The following CAB39 variants were observed in gnomAD, a reference collection of about 807,000 sequenced individuals.
The protein encoded by CAB39 is calcium-binding protein 39.
In CAB39, 8 loss-of-function variants were observed where a neutral mutation model predicts 40.0. That is an observed-to-expected ratio of 0.20 (90% CI 0.12 to 0.36). The LOEUF (loss-of-function observed/expected upper bound fraction) is 0.36, where lower values mean the gene tolerates loss of function less well. Ranked by LOEUF, CAB39 falls within the 10% of genes least tolerant of loss-of-function variation. The probability of loss-of-function intolerance (pLI) is 1.00; values close to 1 mark genes in which losing one functional copy is unlikely to be tolerated. For synonymous variants in CAB39, 156 were observed against 141.6 expected (o/e 1.10, Z -0.72); for missense variants, 270 against 401.1 (o/e 0.67, Z 2.79).
chr2:230,718,050 TTATG>T (rs1694382479), intron 1 of CAB39, among the ~76,000 whole-genome samples: 1 of 152,218 alleles, frequency 6.6e-6, no homozygotes, highest in South Asian at 2.1e-4. Flanking sequence ...GTTTGCTTGT[TTATG>T]TGTGTATTCA....
intron 2 of CAB39, 144 bp from the exon 3 acceptor site, chr2:230,790,728 G>GAT: frequency 1.5e-6 from 1 of 676,110 alleles, no homozygotes; most frequent in East Asian, 2.6e-5. Context: ...TGAGGGCAAG[G>GAT]ATGGAGCTTG....
chr2:230,787,716 T>C (rs1695817385), intron 2 of CAB39, among the ~76,000 whole-genome samples: 1 of 152,210 alleles, frequency 6.6e-6, no homozygotes, highest in Non-Finnish European at 1.5e-5. Flanking sequence ...CATTGTACCA[T>C]TCTGGATAGG....
At chr2:230,785,102 G>C (rs1161719204) in intron 2 of CAB39, among the ~76,000 whole-genome samples, 1 of 152,222 alleles carries the variant, frequency 6.6e-6, no homozygotes, top group Non-Finnish European at 1.5e-5. Context: ...CAAGCTAGGA[G>C]AGCTGATTTG....
chr2:230,820,128 G>C lies in CAB39; in HGVS notation c.*1424G>C, dbSNP rs953865970. 1.3e-5 allele frequency: 2 copies of C among 152,572 alleles called. No homozygotes were observed. Among genetic ancestry groups the C allele is most frequent in the African/African-American group, 4.8e-5 (2 of 41,432 alleles). The allele number at this position is 152,572 out of a possible 1,614,324, so 9.5% of individuals were successfully genotyped here. On this transcript the variant is annotated 3_prime_UTR_variant, in exon 9 of 9. Coordinates refer to ENST00000258418, the MANE Select transcript of CAB39 (RefSeq NM_016289.4). ...GTCTTCTAGACTATATCTATGTAAAGTTATTAGAATGGTATCTGTTCATTT... is the reference window on the plus strand; with the variant it reads ...GTCTTCTAGACTATATCTATGTAAACTTATTAGAATGGTATCTGTTCATTT...
At chr2:230,806,612 G>C (rs1378179745) in intron 5 of CAB39, among the ~76,000 whole-genome samples, 1 of 152,154 alleles carries the variant, frequency 6.6e-6, no homozygotes, top group Non-Finnish European at 1.5e-5. Context: ...CCTCGGTAGG[G>C]ACCTGCCATG....
At chr2:230,756,430 C>T (rs1277252514) in intron 1 of CAB39, among the ~76,000 whole-genome samples, 1 of 152,190 alleles carries the variant, frequency 6.6e-6, no homozygotes, top group African/African-American at 2.4e-5. Flanking sequence ...ACTGAAACCT[C>T]ATCAGGCAGC....
intron 2 of CAB39, among the ~76,000 whole-genome samples, chr2:230,782,371 G>A (rs1439767480): frequency 6.6e-6 from 1 of 151,996 alleles, no homozygotes; most frequent in Non-Finnish European, 1.5e-5. Flanking sequence ...GTGGGAGGGG[G>A]GATGTCTCGT....
chr2:230,736,809 C>T (rs924845808), intron 1 of CAB39, among the ~76,000 whole-genome samples: 4 of 152,134 alleles, frequency 2.6e-5, no homozygotes, highest in Admixed American at 6.5e-5. Flanking sequence ...TAGTACAAGA[C>T]GTAAAAGACA....
rs568709099 is a variant in CAB39, at chr2:230,712,883, C to A, written c.-391C>A. 1.2e-3 allele frequency: 190 copies of A among 152,006 alleles called. No individual in the cohort carries two copies. The highest frequency in any genetic ancestry group is 2.3e-3 in the South Asian group (11 of 4,828). 9.4% of individuals were successfully genotyped at this position (152,006 alleles called of 1,614,324 possible). On this transcript the variant is annotated 5_prime_UTR_variant, in exon 1 of 9. Transcript: ENST00000258418. ...AGCCGGGCTCGGGCCGCAAGCGGGGCGAGGGGTTCGGGGAGCGGCGCGGCC... is the reference window on the plus strand; with the variant it reads ...AGCCGGGCTCGGGCCGCAAGCGGGGAGAGGGGTTCGGGGAGCGGCGCGGCC...
chr2:230,813,871 T>A (rs1305460829), intron 6 of CAB39, 178 bp from the exon 7 acceptor site: 2 of 513,476 alleles, frequency 3.9e-6, no homozygotes, highest in Non-Finnish European at 6.7e-6. Flanking sequence ...AGAGCAAACA[T>A]GTCAGAGGAA....
intron 2 of CAB39, among the ~76,000 whole-genome samples, chr2:230,771,791 T>TAC (rs1695487295): frequency 1.3e-5 from 2 of 152,342 alleles, no homozygotes; most frequent in South Asian, 4.1e-4. Flanking sequence ...GAAATAGACC[T>TAC]ACACATGTAT....
chr2:230,778,928 T>G (rs1053194098), intron 2 of CAB39: 5 of 152,246 alleles, frequency 3.3e-5, no homozygotes, highest in African/African-American at 1.2e-4. Context: ...CAGTTGTCTC[T>G]GTGGTCTGCT....
chr2:230,772,577 C>T (rs1022047526), intron 2 of CAB39, among the ~76,000 whole-genome samples: 3 of 152,104 alleles, frequency 2.0e-5, no homozygotes, highest in African/African-American at 7.2e-5. Flanking sequence ...CTCCACCTCC[C>T]TGGTTCACAC....
chr2:230,749,151 C>T (rs1695041623), intron 1 of CAB39, among the ~76,000 whole-genome samples: 2 of 151,510 alleles, frequency 1.3e-5, no homozygotes, highest in Non-Finnish European at 1.5e-5. Context: ...ACATATGTTA[C>T]TATTAAATAT....
At chr2:230,728,243 T>TAAAG (rs766265851) in intron 1 of CAB39, among the ~76,000 whole-genome samples, 4 of 150,440 alleles carry the variant, frequency 2.7e-5, no homozygotes, top group African/African-American at 9.8e-5. Flanking sequence ...GTCTCAAAAA[T>TAAAG]AAATAAATAA....
chr2:230,790,512 A>G (rs1163875858), intron 2 of CAB39, among the ~76,000 whole-genome samples: 1 of 152,084 alleles, frequency 6.6e-6, no homozygotes, highest in Non-Finnish European at 1.5e-5. Context: ...GCTTGTCAGA[A>G]TCTCTTCATT....
At chr2:230,718,704 T>G (rs1179516939) in intron 1 of CAB39, among the ~76,000 whole-genome samples, 2 of 152,134 alleles carry the variant, frequency 1.3e-5, no homozygotes, top group African/African-American at 4.8e-5. Flanking sequence ...CATGATAGGC[T>G]TTTCCAGGGG....
intron 2 of CAB39, among the ~76,000 whole-genome samples, chr2:230,770,811 G>C (rs1456699721): frequency 6.6e-6 from 1 of 151,982 alleles, no homozygotes; most frequent in Admixed American, 6.6e-5. Flanking sequence ...GTCAATTGAT[G>C]AAAAGGGGAA....
intron 1 of CAB39, among the ~76,000 whole-genome samples, chr2:230,717,793 A>G (rs1694377661): frequency 6.6e-6 from 1 of 152,134 alleles, no homozygotes; most frequent in African/African-American, 2.4e-5. Context: ...TTAACTTTTA[A>G]AACAGAAGGG....
Sources: gnomAD v4.1 joint callset for allele counts (sites outside exome capture counted in the v4.1 genomes callset) on GRCh38, gnomAD v4.1.1 for gene constraint, MANE v1.5 for transcripts, NCBI Gene and HGNC (gene_info 2026-07-23, HGNC 2026-07-21) for gene names.